Variants in LYRM4 observed in about 807,000 individuals in gnomAD.
LYRM4 encodes LYR motif-containing protein 4.
In LYRM4, 9 loss-of-function variants were observed where a neutral mutation model predicts 11.7. The ratio of observed to expected loss-of-function variants is 0.77; its 90% CI spans 0.46 to 1.34. The LOEUF is 1.34. Ranked by LOEUF, LYRM4 falls within the 40% of genes most tolerant of loss-of-function variation. The pLI, the probability that LYRM4 is intolerant of heterozygous loss-of-function variation, is 0.00. For synonymous variants in LYRM4, 42 were observed against 40.4 expected, an observed-to-expected ratio of 1.04 and a Z score of -0.15; for missense variants, 133 against 112.5, an observed-to-expected ratio of 1.18 and a Z score of -0.82.
chr6:5,235,274 C>T (rs187132093), intron 1 of LYRM4, among the ~76,000 whole-genome samples: 1 of 152,242 alleles, frequency 6.6e-6, no homozygotes, highest in Admixed American at 6.5e-5. Flanking sequence ...TCCTGAATAG[C>T]TGGGATTACA....
In LYRM4 at chr6:5,214,616, AG is replaced by A. The variant is rs1483299437; in HGVS notation, c.207+2001del. 2.0e-5 allele frequency among the ~76,000 whole-genome samples: 3 copies of A among 152,240 alleles called. No homozygotes were observed. In the East Asian group the frequency reaches 5.8e-4, roughly 29 times the overall value. ...GGAGGACAGGTCAGAAGGCTGCTAC[AG>A]CAGCCAGTTACAGAGAACAGTGTGC... On this transcript the variant is annotated intron_variant, in intron 2 of 2. Coordinates refer to ENST00000330636, the MANE Select transcript of LYRM4 (RefSeq NM_020408.6).
At chr6:5,250,791 C>T (rs563748096) in intron 1 of LYRM4, among the ~76,000 whole-genome samples, 3 of 152,266 alleles carry the variant, frequency 2.0e-5, no homozygotes, top group South Asian at 4.1e-4. Flanking sequence ...TTAATTTTCC[C>T]TTCCTTTACT....
chr6:5,078,966 TTA>T, the LYRM4 span, among the ~76,000 whole-genome samples: 1 of 152,216 alleles, frequency 6.6e-6, no homozygotes, highest in South Asian at 2.1e-4. Context: ...CTTTGGCATA[TTA>T]TATATGGTGT....
At chr6:5,176,417 C>T (rs561723760) in intron 2 of LYRM4, among the ~76,000 whole-genome samples, 47 of 152,266 alleles carry the variant, frequency 3.1e-4, no homozygotes, top group Middle Eastern at 3.4e-3. Context: ...CTAAGGCCTA[C>T]GGAATACTAA....
intron 2 of LYRM4, among the ~76,000 whole-genome samples, chr6:5,196,498 C>A (rs1455124730): frequency 1.3e-5 from 2 of 152,208 alleles, no homozygotes; most frequent in Non-Finnish European, 1.5e-5. Flanking sequence ...CTGCAGCTCA[C>A]GAAGCTTCCT....
chr6:5,180,138 G>T (rs1195849245), intron 2 of LYRM4, among the ~76,000 whole-genome samples: 6 of 152,138 alleles, frequency 3.9e-5, no homozygotes, highest in African/African-American at 1.4e-4. Context: ...CACAGGAGCT[G>T]GTTACTAATG....
intron 1 of LYRM4, among the ~76,000 whole-genome samples, chr6:5,260,208 G>C (rs1764944797): frequency 6.6e-6 from 1 of 152,170 alleles, no homozygotes; most frequent in African/African-American, 2.4e-5. Flanking sequence ...GGAGGTGCTA[G>C]AGTGTGCCTT....
chr6:5,144,382 A>G (rs1019827683), intron 2 of LYRM4: 1 of 1,127,142 alleles, frequency 8.9e-7, no homozygotes, highest in African/African-American at 1.5e-5. Context: ...TGAAGCCTGT[A>G]ATTCCAGCAC....
chr6:5,152,234 C>A (rs559729684), intron 2 of LYRM4, among the ~76,000 whole-genome samples: 1 of 152,084 alleles, frequency 6.6e-6, no homozygotes, highest in Non-Finnish European at 1.5e-5. Context: ...CCAGTGAGAG[C>A]GGCAGACTCA....
chr6:5,059,148 A>G, the LYRM4 span, among the ~76,000 whole-genome samples: 1 of 152,048 alleles, frequency 6.6e-6, no homozygotes, highest in Non-Finnish European at 1.5e-5. Flanking sequence ...CAAGACTAGC[A>G]TGGGCAATAT....
intron 2 of LYRM4, among the ~76,000 whole-genome samples, chr6:5,119,852 CTCTT>C (rs1489846063): frequency 2.7e-5 from 4 of 147,616 alleles, no homozygotes; most frequent in Non-Finnish European, 4.5e-5. Flanking sequence ...ATGTGATGGT[CTCTT>C]TCTGTGGCAT....
chr6:5,047,617 C>A, the LYRM4 span, among the ~76,000 whole-genome samples: 1 of 152,160 alleles, frequency 6.6e-6, no homozygotes, highest in Non-Finnish European at 1.5e-5. Flanking sequence ...AACACCATAT[C>A]TTAGATCTAA....
At chr6:5,256,125 C>A (rs552050436) in intron 1 of LYRM4, among the ~76,000 whole-genome samples, 7 of 151,816 alleles carry the variant, frequency 4.6e-5, no homozygotes, top group Middle Eastern at 3.2e-3. Flanking sequence ...TTAGTGGCTA[C>A]GGATGCTATT....
At chr6:5,232,607 G>C (rs541671558) in intron 1 of LYRM4, among the ~76,000 whole-genome samples, 36 of 152,294 alleles carry the variant, frequency 2.4e-4, no homozygotes, top group South Asian at 2.1e-3. Flanking sequence ...AGCAACTGCT[G>C]CTGTTTGGAT....
chr6:5,057,694 G>A, the LYRM4 span, among the ~76,000 whole-genome samples: 17 of 148,536 alleles, frequency 1.1e-4, no homozygotes, highest in African/African-American at 2.7e-4. Flanking sequence ...TAGCCTGGGC[G>A]ACAGAGCGAG....
chr6:5,221,078 T>G (rs899934126), intron 1 of LYRM4, among the ~76,000 whole-genome samples: 2 of 152,162 alleles, frequency 1.3e-5, no homozygotes, highest in Non-Finnish European at 2.9e-5. Context: ...CCTCTTGCCT[T>G]GGCCTCTCAA....
At chr6:5,255,068 C>G (rs1764604818) in intron 1 of LYRM4, among the ~76,000 whole-genome samples, 1 of 152,092 alleles carries the variant, frequency 6.6e-6, no homozygotes, top group South Asian at 2.1e-4. Flanking sequence ...GACAAGCCAC[C>G]CTGCTGACCA....
chr6:5,059,980 G>C, the LYRM4 span, among the ~76,000 whole-genome samples: 23 of 152,040 alleles, frequency 1.5e-4, no homozygotes, highest in African/African-American at 5.6e-4. Flanking sequence ...TCTATCTTTT[G>C]TCAGTTGATT....
At chr6:5,034,753 C>CTTTTATTTTTTTT in the LYRM4 span, 1 of 93,852 alleles carries the variant, frequency 1.1e-5, no homozygotes, top group Non-Finnish European at 2.0e-5. Flanking sequence ...TACAGCAATG[C>CTTTTATTTTTTTT]TTTTTTTTTT....
Sources: gnomAD v4.1 joint callset for allele counts (sites outside exome capture counted in the v4.1 genomes callset) on GRCh38, gnomAD v4.1.1 for gene constraint, MANE v1.5 for transcripts, NCBI Gene and HGNC (gene_info 2026-07-23, HGNC 2026-07-21) for gene names.